PRIM2: variants seen among roughly 807,000 people sequenced by gnomAD.
The protein encoded by PRIM2 is DNA primase subunit 2, also known as DNA primase large subunit.
Under a neutral mutation model 67.3 loss-of-function variants are expected in PRIM2, and 39 were observed. That is an observed-to-expected ratio of 0.58 (90% CI 0.45 to 0.76). The LOEUF (loss-of-function observed/expected upper bound fraction) is 0.76. Among genes scored for constraint, PRIM2 ranks in the 30% least tolerant of loss-of-function variants. The pLI is 0.00. For missense variants in PRIM2, 398 were observed against 598.7 expected (o/e 0.66, Z 3.50); for synonymous variants, 143 against 198.7 (o/e 0.72, Z 2.36).
chr6:57,531,678 G>GA (rs1291295407), intron 8 of PRIM2, among the ~76,000 whole-genome samples: 3 of 151,998 alleles, frequency 2.0e-5, no homozygotes. Context: ...ATGGTGCGGT[G>GA]AAAAAATGGG....
chr6:57,388,971 C>T (rs1770238507), intron 7 of PRIM2, among the ~76,000 whole-genome samples: 1 of 152,168 alleles, frequency 6.6e-6, no homozygotes, highest in African/African-American at 2.4e-5. Context: ...TTTCCATACA[C>T]TTCCACTTGA....
At chr6:57,428,756 G>C (rs1219025212) in intron 7 of PRIM2, among the ~76,000 whole-genome samples, 3 of 152,094 alleles carry the variant, frequency 2.0e-5, no homozygotes, top group Non-Finnish European at 2.9e-5. Flanking sequence ...AATGATTTTA[G>C]ACTCACATTT....
rs1325504989 is a variant in PRIM2 at position 57,640,592 on chromosome 6, A to G, written c.1300-5336A>G. Among the ~76,000 whole-genome samples the G allele has an allele frequency of 9.9e-5, 15 of 152,240 alleles. No individual in the cohort carries two copies. The South Asian group carries it at 3.1e-3, about 32-fold the overall frequency. Reference sequence around the variant, plus strand: ...TCACAAGCATTCCTATACACCACTAATAGAGAACCAAATCATGAGTGAACT... The same window carrying G: ...TCACAAGCATTCCTATACACCACTAGTAGAGAACCAAATCATGAGTGAACT... On this transcript the variant is annotated intron_variant, in intron 13 of 13. Transcript: ENST00000615550.
chr6:57,450,720 A>G (rs1269531196), intron 7 of PRIM2, among the ~76,000 whole-genome samples: 2 of 152,208 alleles, frequency 1.3e-5, no homozygotes, highest in African/African-American at 4.8e-5. Flanking sequence ...GTGATTTATA[A>G]AGCATGTGCT....
chr6:57,276,037 CAAAG>C, the PRIM2 span, among the ~76,000 whole-genome samples: 1 of 152,060 alleles, frequency 6.6e-6, no homozygotes, highest in East Asian at 1.9e-4. Context: ...TAGAACTGAA[CAAAG>C]AAAGAAAATA....
At chr6:57,347,326 G>A (rs1768710566) in intron 5 of PRIM2, among the ~76,000 whole-genome samples, 1 of 152,146 alleles carries the variant, frequency 6.6e-6, no homozygotes, top group African/African-American at 2.4e-5. Flanking sequence ...ACTTATTAAG[G>A]TTTAGATTTA....
At chr6:57,423,725 A>G (rs886227187) in intron 7 of PRIM2, among the ~76,000 whole-genome samples, 1 of 152,218 alleles carries the variant, frequency 6.6e-6, no homozygotes, top group Non-Finnish European at 1.5e-5. Context: ...CTTAGTAAAC[A>G]TCTCTAATTG....
At chr6:57,366,856 A>G (rs28733846) in intron 5 of PRIM2, among the ~76,000 whole-genome samples, 245 of 152,226 alleles carry the variant, frequency 1.6e-3, no homozygotes, top group African/African-American at 4.0e-3. Flanking sequence ...GAGGGAATAA[A>G]GTTATGTTAA....
At chr6:57,628,685 TG>T (rs1226296005) in intron 12 of PRIM2, among the ~76,000 whole-genome samples, 7 of 152,178 alleles carry the variant, frequency 4.6e-5, no homozygotes, top group Non-Finnish European at 1.0e-4. Context: ...TTGCCTTTTT[TG>T]TGACCATGTA....
At chr6:57,572,911 G>A (rs1278720453) in intron 10 of PRIM2, among the ~76,000 whole-genome samples, 92 of 152,336 alleles carry the variant, frequency 6.0e-4, no homozygotes, top group African/African-American at 2.0e-3. Flanking sequence ...AGTTTGAAAA[G>A]TAATGTTATG....
At chr6:57,276,981 A>G in the PRIM2 span, among the ~76,000 whole-genome samples, 1 of 152,018 alleles carries the variant, frequency 6.6e-6, no homozygotes, top group Admixed American at 6.6e-5. Context: ...AATAAGAAAA[A>G]GGAGAGGAGG....
chr6:57,538,011 C>T (rs1775034852), intron 10 of PRIM2, among the ~76,000 whole-genome samples: 1 of 133,806 alleles, frequency 7.5e-6, no homozygotes, highest in Non-Finnish European at 1.6e-5. Flanking sequence ...CTTTTATAAA[C>T]TTTTGTTTTT....
At chr6:57,574,560 T>C (rs1581998264) in intron 10 of PRIM2, among the ~76,000 whole-genome samples, 1 of 152,104 alleles carries the variant, frequency 6.6e-6, no homozygotes, top group Non-Finnish European at 1.5e-5. Context: ...CTACTTTTAA[T>C]TTTCTAATAA....
chr6:57,328,788 A>T (rs1340790501), intron 5 of PRIM2, among the ~76,000 whole-genome samples: 2 of 152,326 alleles, frequency 1.3e-5, no homozygotes, highest in Non-Finnish European at 2.9e-5. Context: ...CCAGCAGTGG[A>T]TGAGGGTTCC....
intron 5 of PRIM2, among the ~76,000 whole-genome samples, chr6:57,358,548 C>A (rs1277675667): frequency 2.6e-5 from 4 of 152,136 alleles, no homozygotes; most frequent in African/African-American, 4.8e-5. Flanking sequence ...TTTGCAAGTA[C>A]ATCTTTCAGT....
intron 7 of PRIM2, among the ~76,000 whole-genome samples, chr6:57,469,167 C>T (rs2127400905): frequency 6.6e-6 from 1 of 152,328 alleles, no homozygotes; most frequent in Non-Finnish European, 1.5e-5. Flanking sequence ...CTGTTTAACT[C>T]ACTTCTCATC....
At chr6:57,323,576 G>C (rs569809809) in intron 3 of PRIM2, among the ~76,000 whole-genome samples, 5 of 152,144 alleles carry the variant, frequency 3.3e-5, no homozygotes, top group African/African-American at 1.2e-4. Context: ...TTTTGGCAAT[G>C]AGAACACATG....
intron 11 of PRIM2, among the ~76,000 whole-genome samples, chr6:57,604,400 A>G (rs1401426483): frequency 6.6e-6 from 1 of 152,232 alleles, no homozygotes; most frequent in Non-Finnish European, 1.5e-5. Flanking sequence ...GTATAGAATC[A>G]TATCATCAGC....
chr6:57,320,623 T>G, intron 3 of PRIM2, 63 bp downstream of exon 3: 1 of 1,020,992 alleles, frequency 9.8e-7, no homozygotes, highest in Non-Finnish European at 1.4e-6. Flanking sequence ...GAGTGTCACT[T>G]GTGGGAAAGA....
Sources: allele counts gnomAD v4.1 joint callset (sites outside exome capture counted in the v4.1 genomes callset), GRCh38; gene constraint gnomAD v4.1.1; transcripts MANE v1.5; gene names NCBI Gene and HGNC (gene_info 2026-07-23, HGNC 2026-07-21).